TMEM169: variants seen among roughly 807,000 people sequenced by gnomAD.
TMEM169 encodes the protein transmembrane protein 169.
Under a neutral mutation model 27.3 loss-of-function variants are expected in TMEM169, and 18 were observed. That is an observed-to-expected ratio of 0.66 (90% CI 0.46 to 0.98). The LOEUF is 0.98. Among genes scored for constraint, TMEM169 ranks in the 50% least tolerant of loss-of-function variants. The pLI, the probability that TMEM169 is intolerant of heterozygous loss-of-function variation, is 0.00. For missense variants in TMEM169, 320 were observed against 368.6 expected, an observed-to-expected ratio of 0.87 and a Z score of 1.08; for synonymous variants, 136 against 142.1, an observed-to-expected ratio of 0.96 and a Z score of 0.30.
rs965464270 is a variant in TMEM169 at position 216,092,106 on chromosome 2, G to T, written c.-126-3732G>T. Among the ~76,000 whole-genome samples, 9 of 152,282 alleles carry T rather than the reference G, an allele frequency of 5.9e-5. No individual in the cohort carries two copies. In the South Asian group the frequency reaches 6.2e-4, roughly 11 times the overall value. The stretch of plus-strand genomic sequence containing the variant: ...TTACATTTCATATTTCTTGTCTAAG[G>T]TTTTAATGGGATGTTCAAAAGTCAT... On this transcript the variant is annotated intron_variant, in intron 1 of 2. Transcript: ENST00000437356.
chr2:216,093,750 GC>G (rs1223597175), intron 1 of TMEM169, among the ~76,000 whole-genome samples: 1 of 151,974 alleles, frequency 6.6e-6, no homozygotes, highest in Non-Finnish European at 1.5e-5. Flanking sequence ...GGGAGAAAAA[GC>G]CATTCCATTG....
intron 1 of TMEM169, among the ~76,000 whole-genome samples, chr2:216,090,015 G>A (rs115495310): frequency 0.014 from 2,202 of 152,258 alleles, 62 homozygotes; most frequent in African/African-American, 0.05. Flanking sequence ...TGACTTGCGC[G>A]TGTGCGTGCG....
intron 1 of TMEM169, among the ~76,000 whole-genome samples, chr2:216,095,452 A>G (rs1696242086): frequency 6.6e-6 from 1 of 152,106 alleles, no homozygotes; most frequent in East Asian, 1.9e-4. Flanking sequence ...TATACTCTGC[A>G]TGCTCCAACT....
At chr2:216,085,492 T>G (rs772714928) in intron 1 of TMEM169, among the ~76,000 whole-genome samples, 1 of 152,050 alleles carries the variant, frequency 6.6e-6, no homozygotes, top group Admixed American at 6.5e-5. Flanking sequence ...ATAGGAGCAT[T>G]TTTTTTAGAA....
intron 2 of TMEM169, 69 bp downstream of exon 2, chr2:216,096,303 C>T (rs1393939988): frequency 6.6e-6 from 10 of 1,513,336 alleles, no homozygotes; most frequent in Non-Finnish European, 9.0e-6. Context: ...CCAGAACAGA[C>T]AGGCATATGC....
intron 1 of TMEM169, among the ~76,000 whole-genome samples, chr2:216,092,537 C>A (rs1574433794): frequency 6.6e-6 from 1 of 152,128 alleles, no homozygotes; most frequent in African/African-American, 2.4e-5. Flanking sequence ...TAGAGCACCA[C>A]CCCCTCAACA....
At position 216,096,220 on chromosome 2, in the gene TMEM169, A is replaced by G. The variant is rs1378613538; in HGVS notation, c.257A>G (p.Tyr86Cys). ...KEEEGDDFLDYPVDDDMWNLP... is the reference protein window; with the variant it reads ...KEEEGDDFLDCPVDDDMWNLP... ...GAGGAGGGAGATGATTTCCTAGACT[A>G]TCCTGTGGATGATGGTAAGTCTCTC... Residue 86 changes from tyrosine to cysteine, a missense_variant, in exon 2 of 3, where the codon TAT becomes TGT. Physicochemically the swap from Tyr to Cys is radical, Grantham distance 194 (BLOSUM62 -2). Transcript: ENST00000437356. The G allele has an allele frequency of 1.9e-6, 3 of 1,613,600 alleles. No homozygotes were observed. The highest frequency in any genetic ancestry group is 1.7e-6 in the Non-Finnish European group (2 of 1,179,660).
intron 1 of TMEM169, among the ~76,000 whole-genome samples, chr2:216,089,575 G>A (rs539621369): frequency 6.6e-6 from 1 of 152,178 alleles, no homozygotes; most frequent in African/African-American, 2.4e-5. Context: ...TCCTGCCTCA[G>A]CCTCCTGAGT....
chr2:216,100,895 C>A lies in TMEM169; in HGVS notation c.*353C>A, dbSNP rs1376264132. On this transcript the variant is annotated 3_prime_UTR_variant, in exon 3 of 3. Coordinates refer to ENST00000437356, the MANE Select transcript of TMEM169 (RefSeq NM_001142311.2). ...TAAATGTGTCAGGGAGAATAAAGAA[C>A]CTCGGGGTAACCAAATCCACCAAGA... is the stretch of plus-strand genomic sequence containing the variant. The A allele has an allele frequency of 1.6e-5, 5 of 315,156 alleles. No individual in the cohort carries two copies. The highest frequency in any genetic ancestry group is 8.8e-5 in the African/African-American group (4 of 45,346). The allele number at this position is 315,156 out of a possible 1,614,324, so 19.5% of individuals were successfully genotyped here. A position where few individuals can be genotyped will look rare whatever the true frequency, so the allele number is the denominator to read the frequency against.
chr2:216,097,592 T>A (rs539621401), intron 2 of TMEM169, among the ~76,000 whole-genome samples: 6 of 151,922 alleles, frequency 3.9e-5, no homozygotes, highest in South Asian at 2.1e-4. Flanking sequence ...TAATAATAAT[T>A]ATTATTATTG....
chr2:216,096,173 A>G lies in TMEM169; in HGVS notation c.210A>G (p.Glu70=). ...EKTDEEPGES[E]GGDQPKEEEG... ...CAGATGAGGAGCCCGGAGAATCAGA[A>G]GGTGGAGATCAGCCTAAAGAGGAGG... Residue 70 remains glutamate (E), a synonymous_variant, in exon 2 of 3, where the codon GAA becomes GAG. Coordinates refer to ENST00000437356, the MANE Select transcript of TMEM169 (RefSeq NM_001142311.2). 6.2e-7 allele frequency: 1 copy of G among 1,614,182 alleles called. No homozygotes were observed. The highest frequency in any genetic ancestry group is 1.1e-5 in the South Asian group (1 of 91,084).
At chr2:216,091,644 C>A (rs1003244013) in intron 1 of TMEM169, among the ~76,000 whole-genome samples, 1 of 151,462 alleles carries the variant, frequency 6.6e-6, no homozygotes, top group Admixed American at 6.6e-5. Context: ...AAGGCACCAT[C>A]TATGAACCAG....
At chr2:216,082,039 T>C (rs1193559140) in intron 1 of TMEM169, 60 bp downstream of exon 1, 1 of 288,824 alleles carries the variant, frequency 3.5e-6, no homozygotes, top group Admixed American at 7.1e-5. Context: ...GGAAGGGAAA[T>C]GCAAAAAAAA....
chr2:216,085,127 C>T lies in TMEM169; in HGVS notation c.-127+3148C>T, dbSNP rs1049880648. Among the ~76,000 whole-genome samples, 14 of 152,160 alleles carry T rather than the reference C, an allele frequency of 9.2e-5. No homozygotes were observed. In the East Asian group the frequency reaches 1.2e-3, roughly 13 times the overall value. On this transcript the variant is annotated intron_variant, in intron 1 of 2. Transcript: ENST00000437356. ...GCCTCAGCCTTCCGAGAAGCTGAGA[C>T]GACAGGTGCGCGCTGCCACGCCTGA...
intron 1 of TMEM169, among the ~76,000 whole-genome samples, chr2:216,089,033 G>T (rs1696070444): frequency 6.6e-6 from 1 of 152,148 alleles, no homozygotes; most frequent in South Asian, 2.1e-4. Flanking sequence ...TTAACAAGAG[G>T]AACAGAGTGT....
intron 1 of TMEM169, among the ~76,000 whole-genome samples, chr2:216,089,108 G>A (rs1325100416): frequency 6.6e-6 from 1 of 152,146 alleles, no homozygotes; most frequent in Non-Finnish European, 1.5e-5. Context: ...ATTATGGGTT[G>A]GAGAAAGCAG....
intron 1 of TMEM169, among the ~76,000 whole-genome samples, chr2:216,094,605 C>T (rs1001175796): frequency 6.6e-6 from 1 of 152,218 alleles, no homozygotes; most frequent in Middle Eastern, 3.4e-3. Flanking sequence ...ACAAAACAAA[C>T]CATCAACCAA....
At chr2:216,094,299 T>C (rs1696210509) in intron 1 of TMEM169, among the ~76,000 whole-genome samples, 2 of 152,204 alleles carry the variant, frequency 1.3e-5, no homozygotes, top group Non-Finnish European at 2.9e-5. Flanking sequence ...CCATAGCGGG[T>C]ACCACTATAG....
At position 216,099,863 on chromosome 2, in the gene TMEM169, T is replaced by G; in HGVS notation, c.272-57T>G. On this transcript the variant is annotated intron_variant, in intron 2 of 2. Coordinates refer to ENST00000437356, the MANE Select transcript of TMEM169 (RefSeq NM_001142311.2). This position sits in a 1 kb window ranked among gnomAD's most constrained non-coding sequence, Gnocchi z 5.0. ...ATGCCCAGCCTGGGAGGGTGCAACATGGAGATGCAATGCCCACTCTTCTGA... is the reference window on the plus strand; with the variant it reads ...ATGCCCAGCCTGGGAGGGTGCAACAGGGAGATGCAATGCCCACTCTTCTGA... 5 of 1,559,068 alleles carry G rather than the reference T, an allele frequency of 3.2e-6. No homozygotes were observed. The highest frequency in any genetic ancestry group is 4.3e-6 in the Non-Finnish European group (5 of 1,156,264).
Sources: gnomAD v4.1 joint callset for allele counts (sites outside exome capture counted in the v4.1 genomes callset) on GRCh38, gnomAD v4.1.1 for gene constraint, Gnocchi (gnomAD v3.1) non-coding constraint, MANE v1.5 for transcripts, NCBI Gene and HGNC (gene_info 2026-07-23, HGNC 2026-07-21) for gene names.